The following FGFR2 variants were observed in gnomAD, a reference collection of about 807,000 sequenced individuals.
The protein encoded by FGFR2 is BEK fibroblast growth factor receptor.
In FGFR2, 19 loss-of-function variants were observed where a neutral mutation model predicts 95.9. The ratio of observed to expected loss-of-function variants is 0.20; its 90% confidence interval spans 0.14 to 0.29. The LOEUF is 0.29. Ranked by LOEUF, FGFR2 falls within the 10% of genes least tolerant of loss-of-function variation. FGFR2 has a pLI of 1.00. For missense variants in FGFR2, 707 were observed against 1,056.9 expected, an observed-to-expected ratio of 0.67 and a Z score of 4.59; for synonymous variants, 392 against 393.3, an observed-to-expected ratio of 1.00 and a Z score of 0.04.
At chr10:121,501,370 T>C (rs1241090713) in intron 10 of FGFR2, among the ~76,000 whole-genome samples, 3 of 152,224 alleles carry the variant, frequency 2.0e-5, no homozygotes, top group Non-Finnish European at 4.4e-5. Flanking sequence ...CAAATACCAA[T>C]GGATTTTATG....
At chr10:121,496,749 A>G (rs1287975521) in intron 12 of FGFR2, 27 bp from the exon 13 acceptor site, 5 of 1,606,660 alleles carry the variant, frequency 3.1e-6, no homozygotes, top group Non-Finnish European at 4.3e-6. Flanking sequence ...GAAGCTCCCT[A>G]AAGAGAGAAT....
intron 2 of FGFR2, 137 bp downstream of exon 2, chr10:121,593,572 G>A (rs1176224457): frequency 3.9e-6 from 3 of 764,404 alleles, no homozygotes; most frequent in Admixed American, 4.0e-5. Flanking sequence ...GCCTTGCCGG[G>A]AGCCAAGAGA....
At chr10:121,508,534 C>T (rs1848615972) in intron 9 of FGFR2, among the ~76,000 whole-genome samples, 1 of 152,160 alleles carries the variant, frequency 6.6e-6, no homozygotes, top group South Asian at 2.1e-4. Context: ...CTACACCATC[C>T]CCCAAACAGA....
At chr10:121,596,794 T>A (rs1235090592) in intron 1 of FGFR2, 3 of 197,186 alleles carry the variant, frequency 1.5e-5, no homozygotes, top group Middle Eastern at 1.7e-3. Context: ...TTGCCTGAAA[T>A]ATCCTGTTTT....
At chr10:121,576,541 G>A (rs1859800606) in intron 2 of FGFR2, among the ~76,000 whole-genome samples, 1 of 152,170 alleles carries the variant, frequency 6.6e-6, no homozygotes, top group Non-Finnish European at 1.5e-5. Flanking sequence ...GATGTGCCTG[G>A]CCTTTAATGA....
chr10:121,591,395 C>G (rs1010408526), intron 2 of FGFR2, among the ~76,000 whole-genome samples: 1 of 152,252 alleles, frequency 6.6e-6, no homozygotes, highest in Non-Finnish European at 1.5e-5. Context: ...GCGACAACGG[C>G]GACAAGGCCA....
chr10:121,526,473 G>A (rs1158824950), intron 6 of FGFR2, among the ~76,000 whole-genome samples: 2 of 152,166 alleles, frequency 1.3e-5, no homozygotes, highest in South Asian at 2.1e-4. Flanking sequence ...TCCACCTAAC[G>A]CACTCAAGCC....
At chr10:121,540,546 T>A (rs1853561750) in intron 5 of FGFR2, among the ~76,000 whole-genome samples, 1 of 152,184 alleles carries the variant, frequency 6.6e-6, no homozygotes, top group South Asian at 2.1e-4. Flanking sequence ...GCTAAGAGCA[T>A]GGGACACATA....
At chr10:121,501,068 T>C in intron 10 of FGFR2, 121 bp from the exon 11 acceptor site, 2 of 1,387,500 alleles carry the variant, frequency 1.4e-6, no homozygotes, top group Non-Finnish European at 2.0e-6. Flanking sequence ...GCTTATCATA[T>C]GGAACTAATG....
At chr10:121,557,767 T>C (rs189096045) in intron 4 of FGFR2, among the ~76,000 whole-genome samples, 185 of 152,294 alleles carry the variant, frequency 1.2e-3, no homozygotes, top group African/African-American at 4.2e-3. Context: ...TTAGGATCTC[T>C]ACCAAGTAAA....
At chr10:121,571,294 C>CTTTT (rs35943673) in intron 2 of FGFR2, among the ~76,000 whole-genome samples, 115 of 39,324 alleles carry the variant, frequency 2.9e-3, no homozygotes, top group African/African-American at 3.2e-3. Flanking sequence ...CGTGCCTGGC[C>CTTTT]TTTTTTTTTT....
chr10:121,562,370 C>G (rs915994543), intron 4 of FGFR2, among the ~76,000 whole-genome samples: 1 of 151,822 alleles, frequency 6.6e-6, no homozygotes, highest in African/African-American at 2.4e-5. Flanking sequence ...CTGCAACCTC[C>G]GCATCCTGGG....
chr10:121,593,209 C>G (rs1016217373), intron 2 of FGFR2, among the ~76,000 whole-genome samples: 1 of 152,150 alleles, frequency 6.6e-6, no homozygotes. Context: ...AAAAAAAATT[C>G]TGAGATGTCA....
intron 2 of FGFR2, among the ~76,000 whole-genome samples, chr10:121,569,433 G>A (rs918660743): frequency 6.6e-6 from 1 of 152,128 alleles, no homozygotes; most frequent in Non-Finnish European, 1.5e-5. Flanking sequence ...TATTGGCCAT[G>A]CTGGTCTTGA....
intron 5 of FGFR2, among the ~76,000 whole-genome samples, chr10:121,543,519 C>T (rs1854064892): frequency 6.6e-6 from 1 of 151,914 alleles, no homozygotes; most frequent in Non-Finnish European, 1.5e-5. Context: ...CAAAACAAAA[C>T]AAAAAACAAA....
chr10:121,529,505 G>A (rs1048572935), intron 6 of FGFR2, among the ~76,000 whole-genome samples: 1 of 152,174 alleles, frequency 6.6e-6, no homozygotes, highest in East Asian at 1.9e-4. Context: ...TTTTCTAATA[G>A]AGCATAATTT....
intron 2 of FGFR2, among the ~76,000 whole-genome samples, chr10:121,578,188 A>T (rs1335512966): frequency 1.3e-5 from 2 of 151,796 alleles, no homozygotes; most frequent in Non-Finnish European, 2.9e-5. Flanking sequence ...CTACTCTTTT[A>T]AAAAGGCACA....
intron 12 of FGFR2, among the ~76,000 whole-genome samples, chr10:121,497,732 A>C (rs1204011235): frequency 1.3e-5 from 2 of 152,182 alleles, no homozygotes; most frequent in African/African-American, 4.8e-5. Context: ...TGGGTAATTA[A>C]ATTTTATTGG....
chr10:121,573,343 T>C (rs1365840782), intron 2 of FGFR2, among the ~76,000 whole-genome samples: 1 of 152,072 alleles, frequency 6.6e-6, no homozygotes, highest in African/African-American at 2.4e-5. Context: ...TTTTCTGGGG[T>C]TTCCCAGGGA....
Sources: allele counts gnomAD v4.1 joint callset (sites outside exome capture counted in the v4.1 genomes callset), GRCh38; gene constraint gnomAD v4.1.1; transcripts MANE v1.5; gene names NCBI Gene and HGNC (gene_info 2026-07-23, HGNC 2026-07-21).